The following RBFOX3 variants were observed in gnomAD, a reference collection of about 807,000 sequenced individuals.
The protein encoded by RBFOX3 is RNA binding protein fox-1 homolog 3.
Under a neutral mutation model 48.7 loss-of-function variants are expected in RBFOX3, and 17 were observed. That is an observed-to-expected ratio of 0.35 (90% confidence interval 0.24 to 0.52). The LOEUF (loss-of-function observed/expected upper bound fraction) is 0.52, where lower values mean the gene tolerates loss of function less well. Among genes scored for constraint, RBFOX3 ranks in the 20% least tolerant of loss-of-function variants. The pLI is 0.94. For missense variants in RBFOX3, 382 were observed against 497.5 expected, an observed-to-expected ratio of 0.77 and a Z score of 2.21; for synonymous variants, 212 against 209.5, an observed-to-expected ratio of 1.01 and a Z score of -0.10.
At chr17:79,414,926 G>A (rs900189300) in intron 2 of RBFOX3, among the ~76,000 whole-genome samples, 4 of 152,228 alleles carry the variant, frequency 2.6e-5, no homozygotes, top group Admixed American at 6.5e-5. Flanking sequence ...GGGAGGGGCC[G>A]TCGCAGTCCA....
intron 3 of RBFOX3, among the ~76,000 whole-genome samples, chr17:79,302,537 T>C (rs11077423): frequency 0.99 from 150,225 of 152,284 alleles, 74,126 homozygotes; most frequent in Middle Eastern, 1. Context: ...AAAAATTAGC[T>C]GGGCGTGGTG....
chr17:79,241,320 G>A (rs760018798), intron 3 of RBFOX3, among the ~76,000 whole-genome samples: 34 of 151,964 alleles, frequency 2.2e-4, no homozygotes, highest in Non-Finnish European at 4.6e-4. Context: ...GGCCTGTTTC[G>A]CTTTAAGTTT....
chr17:79,414,340 A>G (rs1258297885), intron 2 of RBFOX3, among the ~76,000 whole-genome samples: 1 of 152,230 alleles, frequency 6.6e-6, no homozygotes, highest in Non-Finnish European at 1.5e-5. Context: ...TGGGTAATGT[A>G]CAGCGAGTTC....
rs567618978 is a variant in RBFOX3 at position 79,157,133 on chromosome 17, C to T, written c.-33-41385G>A. On this transcript the variant is annotated intron_variant, in intron 4 of 14. Coordinates refer to ENST00000693108, the MANE Select transcript of RBFOX3 (RefSeq NM_001350451.2). The stretch of plus-strand genomic sequence containing the variant: ...CTCAGAGAAACCCCTCCGGTGTCCT[C>T]GTCCTGACACCTCCCTGCTCTCTCC... Among the ~76,000 whole-genome samples, 158 of 152,306 alleles carry T rather than the reference C, an allele frequency of 1.0e-3. 1 individual carries two copies. Among genetic ancestry groups the T allele is most frequent in the Middle Eastern group, 3.4e-3 (1 of 294 alleles).
chr17:79,240,801 C>A (rs561599616), intron 3 of RBFOX3, among the ~76,000 whole-genome samples: 1 of 152,056 alleles, frequency 6.6e-6, no homozygotes, highest in Non-Finnish European at 1.5e-5. Flanking sequence ...GTAGCTGGGA[C>A]TACAGGCACC....
At chr17:79,269,345 G>A (rs573847657) in intron 3 of RBFOX3, among the ~76,000 whole-genome samples, 1 of 152,258 alleles carries the variant, frequency 6.6e-6, no homozygotes, top group South Asian at 2.1e-4. Flanking sequence ...TGTTGAAGCT[G>A]GGTAGTTTAT....
intron 4 of RBFOX3, among the ~76,000 whole-genome samples, chr17:79,153,074 C>G (rs1430447783): frequency 6.6e-6 from 1 of 152,202 alleles, no homozygotes; most frequent in Non-Finnish European, 1.5e-5. Flanking sequence ...TTCCTCTGTC[C>G]CCGTCCTGCC....
At chr17:79,434,494 G>A (rs903753764) in intron 2 of RBFOX3, among the ~76,000 whole-genome samples, 2 of 152,184 alleles carry the variant, frequency 1.3e-5, no homozygotes, top group African/African-American at 2.4e-5. Flanking sequence ...ACCTGGGTAG[G>A]CTGAAGTCCA....
At chr17:79,491,018 A>G in intron 1 of RBFOX3, among the ~76,000 whole-genome samples, 1 of 117,756 alleles carries the variant, frequency 8.5e-6, no homozygotes. Flanking sequence ...CCAACCCTGG[A>G]GTGAATCGGA....
the RBFOX3 span, among the ~76,000 whole-genome samples, chr17:79,640,025 A>C: frequency 1.3e-5 from 2 of 152,204 alleles, no homozygotes; most frequent in Non-Finnish European, 2.9e-5. Context: ...GAAAGAAGTA[A>C]ATTTTTTTCT....
chr17:79,620,007 ACATG>A, the RBFOX3 span, among the ~76,000 whole-genome samples: 1 of 151,918 alleles, frequency 6.6e-6, no homozygotes, highest in African/African-American at 2.4e-5. Context: ...ACACACATGC[ACATG>A]CACACACACA....
At chr17:79,648,185 T>C in the RBFOX3 span, among the ~76,000 whole-genome samples, 4 of 152,120 alleles carry the variant, frequency 2.6e-5, no homozygotes, top group Non-Finnish European at 4.4e-5. Context: ...TGAGACGAAC[T>C]GGATGGGCCT....
chr17:79,300,601 G>T (rs1310288505), intron 3 of RBFOX3, among the ~76,000 whole-genome samples: 1 of 152,238 alleles, frequency 6.6e-6, no homozygotes, highest in Non-Finnish European at 1.5e-5. Flanking sequence ...GAACCAGGAG[G>T]CTGGGGCAAC....
chr17:79,175,559 G>A (rs868185469), intron 4 of RBFOX3, among the ~76,000 whole-genome samples: 2 of 152,208 alleles, frequency 1.3e-5, no homozygotes, highest in Non-Finnish European at 2.9e-5. Flanking sequence ...CCCTCTTCCT[G>A]TCTCCAGGCG....
chr17:79,385,384 C>T (rs1202112070), intron 2 of RBFOX3, among the ~76,000 whole-genome samples: 1 of 152,168 alleles, frequency 6.6e-6, no homozygotes, highest in East Asian at 1.9e-4. Flanking sequence ...TTCAACTTTG[C>T]CAAGAAGCTC....
intron 2 of RBFOX3, among the ~76,000 whole-genome samples, chr17:79,349,846 G>A (rs989268953): frequency 5.3e-5 from 8 of 151,842 alleles, no homozygotes; most frequent in East Asian, 1.9e-4. Context: ...TCACCAGGAC[G>A]GAATGGGTTC....
chr17:79,625,377 G>T, the RBFOX3 span, among the ~76,000 whole-genome samples: 1 of 152,158 alleles, frequency 6.6e-6, no homozygotes, highest in African/African-American at 2.4e-5. Context: ...GTATTCCATC[G>T]CATGGATGTG....
intron 1 of RBFOX3, among the ~76,000 whole-genome samples, chr17:79,593,748 G>C (rs1051094381): frequency 1.3e-5 from 2 of 152,220 alleles, no homozygotes; most frequent in African/African-American, 4.8e-5. Context: ...GACGGAACCC[G>C]ATGGGCACAC....
chr17:79,294,041 C>T (rs1360099913), intron 3 of RBFOX3, among the ~76,000 whole-genome samples: 1 of 152,214 alleles, frequency 6.6e-6, no homozygotes, highest in East Asian at 1.9e-4. Flanking sequence ...AGAGCAGGTA[C>T]AGATTCATAC....
Sources: gnomAD v4.1 joint callset for allele counts (sites outside exome capture counted in the v4.1 genomes callset) on GRCh38, gnomAD v4.1.1 for gene constraint, MANE v1.5 for transcripts, NCBI Gene and HGNC (gene_info 2026-07-23, HGNC 2026-07-21) for gene names.